Variants in GRIA1 observed in about 807,000 individuals in gnomAD.
The protein encoded by GRIA1 is glutamate receptor 1.
In GRIA1, 31 loss-of-function variants were observed where a neutral mutation model predicts 99.2. That is an observed-to-expected ratio of 0.31 (90% CI 0.23 to 0.42). GRIA1 has a LOEUF of 0.42. GRIA1 is among the 10% of genes least tolerant of loss of function. GRIA1 has a pLI of 1.00. For missense variants in GRIA1, 782 were observed against 1,157.5 expected, an observed-to-expected ratio of 0.68 and a Z score of 4.71; for synonymous variants, 438 against 432.4, an observed-to-expected ratio of 1.01 and a Z score of -0.16.
At chr5:153,515,730 AGATATT>A (rs1339199238) in intron 2 of GRIA1, among the ~76,000 whole-genome samples, 1 of 152,226 alleles carries the variant, frequency 6.6e-6, no homozygotes, top group African/African-American at 2.4e-5. Flanking sequence ...ACACAGAAAT[AGATATT>A]ATTTGTCAAT....
intron 2 of GRIA1, among the ~76,000 whole-genome samples, chr5:153,586,931 TCTC>T (rs1389261447): frequency 5.3e-5 from 8 of 152,202 alleles, no homozygotes; most frequent in Non-Finnish European, 1.5e-5. Flanking sequence ...GGTCTTAACT[TCTC>T]CTCACTGCTG....
chr5:153,503,317 G>T (rs1325886950), intron 2 of GRIA1, among the ~76,000 whole-genome samples: 1 of 152,168 alleles, frequency 6.6e-6, no homozygotes. Context: ...TTGACTTGCT[G>T]TGTAACCTTG....
chr5:153,505,760 T>C (rs916321150), intron 2 of GRIA1, among the ~76,000 whole-genome samples: 2 of 152,212 alleles, frequency 1.3e-5, no homozygotes, highest in African/African-American at 4.8e-5. Flanking sequence ...CTATTGTAGC[T>C]AGGAAGATAG....
intron 2 of GRIA1, among the ~76,000 whole-genome samples, chr5:153,644,146 G>C (rs1263224670): frequency 6.6e-6 from 1 of 152,174 alleles, no homozygotes; most frequent in African/African-American, 2.4e-5. Flanking sequence ...CTGGATGATG[G>C]ATTGTGCATT....
rs776037057 is a variant in GRIA1, at chr5:153,674,596, A to T, written c.796A>T (p.Ile266Phe). 6.2e-7 allele frequency: 1 copy of T among 1,614,082 alleles called. No homozygotes were observed. The highest frequency in any genetic ancestry group is 8.5e-7 in the Non-Finnish European group (1 of 1,179,986). ...VNYTDTIPAK[I>F]MQQWKNSDAR... is the part of the protein sequence containing the mutation. ...CTACACAGACACTATTCCGGCCAAG[A>T]TCATGCAGCAGTGGAAGAATAGTGA... Residue 266 changes from isoleucine to phenylalanine, a missense_variant, in exon 6 of 16, where the codon ATC (isoleucine) becomes TTC (phenylalanine). Physicochemically the swap from Ile to Phe is conservative, Grantham distance 21. Coordinates refer to ENST00000285900, the MANE Select transcript of GRIA1 (RefSeq NM_000827.4).
intron 2 of GRIA1, among the ~76,000 whole-genome samples, chr5:153,532,068 GGGTGTAGGGGGTGTCA>G (rs1276472391): frequency 2.6e-5 from 4 of 152,150 alleles, no homozygotes; most frequent in Non-Finnish European, 5.9e-5. Flanking sequence ...CTTTATTGCA[GGGTGTAGGGGGTGTCA>G]CTCTTTTACA....
At chr5:153,575,777 G>A (rs1020247560) in intron 2 of GRIA1, among the ~76,000 whole-genome samples, 9 of 152,184 alleles carry the variant, frequency 5.9e-5, no homozygotes, top group Non-Finnish European at 1.2e-4. Context: ...CTGTTCTCTG[G>A]TTCTTTGCAG....
intron 11 of GRIA1, among the ~76,000 whole-genome samples, chr5:153,723,362 A>G (rs1219223099): frequency 6.6e-6 from 1 of 152,214 alleles, no homozygotes; most frequent in African/African-American, 2.4e-5. Flanking sequence ...TACCAGGTTC[A>G]TCTCACTAGG....
intron 2 of GRIA1, among the ~76,000 whole-genome samples, chr5:153,498,344 G>A (rs1315160663): frequency 1.3e-5 from 2 of 152,148 alleles, no homozygotes; most frequent in African/African-American, 4.8e-5. Flanking sequence ...GTCTTTATAG[G>A]TTAGCTTCAC....
At position 153,628,555 on chromosome 5, in the gene GRIA1, T is replaced by G. The variant is rs114763336; in HGVS notation, c.221-18373T>G. Among the ~76,000 whole-genome samples the G allele has an allele frequency of 3.9e-3, 590 of 152,364 alleles. 3 individuals are homozygous for G. Among genetic ancestry groups the G allele is most frequent in the Middle Eastern group, 0.01 (3 of 294 alleles). On this transcript the variant is annotated intron_variant, in intron 2 of 15. Transcript: ENST00000285900. Reference sequence around the variant, plus strand: ...ATTGTCTGTGCTATGACTATTTCAGTGAACATTATCTCAGTCTTCTGGGTA... The same window carrying G: ...ATTGTCTGTGCTATGACTATTTCAGGGAACATTATCTCAGTCTTCTGGGTA...
intron 11 of GRIA1, among the ~76,000 whole-genome samples, chr5:153,756,977 A>C (rs1270831426): frequency 1.3e-5 from 2 of 152,194 alleles, no homozygotes; most frequent in Non-Finnish European, 2.9e-5. Context: ...CATGACACCA[A>C]TGAGGGACCC....
intron 11 of GRIA1, among the ~76,000 whole-genome samples, chr5:153,729,436 A>C (rs2149555411): frequency 6.6e-6 from 1 of 152,116 alleles, no homozygotes; most frequent in East Asian, 1.9e-4. Flanking sequence ...AAAGTAGAAA[A>C]GTTGGTGTTA....
intron 6 of GRIA1, 38 bp from the exon 7 acceptor site, chr5:153,676,956 T>A: frequency 2.2e-6 from 3 of 1,344,810 alleles, no homozygotes; most frequent in Non-Finnish European, 2.9e-6. Flanking sequence ...TCCTGTCAGC[T>A]CTCTTTGATA....
upstream of GRIA1, among the ~76,000 whole-genome samples, chr5:153,490,064 A>G (rs3792766): frequency 0.19 from 29,245 of 151,512 alleles, 3,360 homozygotes; most frequent in Non-Finnish European, 0.26. Flanking sequence ...TTCCATTAGG[A>G]GAGAGAAAGC....
At position 153,750,565 on chromosome 5, in the gene GRIA1, A is replaced by G. The variant is rs74444949; in HGVS notation, c.1824-13869A>G. On this transcript the variant is annotated intron_variant, in intron 11 of 15. Coordinates refer to ENST00000285900, the MANE Select transcript of GRIA1 (RefSeq NM_000827.4). ...GATCAAGAGTTGATTGCTGCTTAAT[A>G]ACTTTCCACTCCCTACACAGGCCCC... 2.1e-3 allele frequency among the ~76,000 whole-genome samples: 325 copies of G among 152,096 alleles called. 1 individual carries two copies. The highest frequency in any genetic ancestry group is 7.4e-3 in the African/African-American group (307 of 41,468).
At chr5:153,652,333 C>A (rs886708059) in intron 4 of GRIA1, among the ~76,000 whole-genome samples, 1 of 152,204 alleles carries the variant, frequency 6.6e-6, no homozygotes, top group African/African-American at 2.4e-5. Context: ...GCTATTACTA[C>A]TATTTTTTTA....
intron 11 of GRIA1, among the ~76,000 whole-genome samples, chr5:153,742,310 T>G (rs1761861770): frequency 6.6e-6 from 1 of 152,162 alleles, no homozygotes. Context: ...TGACTAACAA[T>G]AGTCACGAGA....
chr5:153,694,753 T>A (rs965152880), intron 8 of GRIA1, among the ~76,000 whole-genome samples: 1 of 152,224 alleles, frequency 6.6e-6, no homozygotes, highest in Non-Finnish European at 1.5e-5. Context: ...CCCTCTTTTT[T>A]AAAATAATAC....
chr5:153,749,473 C>A (rs1277472702), intron 11 of GRIA1, among the ~76,000 whole-genome samples: 2 of 152,142 alleles, frequency 1.3e-5, no homozygotes, highest in Admixed American at 6.5e-5. Flanking sequence ...GCTGCTCCCA[C>A]TCACGGAGGA....
Sources: gnomAD v4.1 joint callset for allele counts (sites outside exome capture counted in the v4.1 genomes callset) on GRCh38, gnomAD v4.1.1 for gene constraint, MANE v1.5 for transcripts, NCBI Gene and HGNC (gene_info 2026-07-23, HGNC 2026-07-21) for gene names.